PDE10A: variants seen among roughly 807,000 people sequenced by gnomAD.
The protein encoded by PDE10A is cAMP and cAMP-inhibited cGMP 3',5'-cyclic phosphodiesterase 10A.
A neutral mutation model predicts 97.7 loss-of-function variants in PDE10A; 39 were observed. That is an observed-to-expected ratio of 0.40 (90% confidence interval 0.31 to 0.52). The LOEUF is 0.52. PDE10A is among the 20% of genes least tolerant of loss of function. PDE10A has a pLI of 0.56. For synonymous variants in PDE10A, 371 were observed against 376.8 expected, an observed-to-expected ratio of 0.98 and a Z score of 0.18; for missense variants, 731 against 1,047.8, an observed-to-expected ratio of 0.70 and a Z score of 4.17.
chr6:165,684,953 A>G (rs1562683457), intron 1 of PDE10A, among the ~76,000 whole-genome samples: 1 of 152,240 alleles, frequency 6.6e-6, no homozygotes, highest in Non-Finnish European at 1.5e-5. Flanking sequence ...CCTTAAAGTT[A>G]TATGAATGGC....
intron 1 of PDE10A, among the ~76,000 whole-genome samples, chr6:165,809,417 C>G (rs1583125005): frequency 6.6e-6 from 1 of 152,204 alleles, no homozygotes; most frequent in East Asian, 1.9e-4. Context: ...GCATCCTCCT[C>G]ACACTGCTCC....
intron 1 of PDE10A, among the ~76,000 whole-genome samples, chr6:165,860,090 G>A (rs111832740): frequency 2.6e-5 from 4 of 152,288 alleles, no homozygotes; most frequent in South Asian, 2.1e-4. Flanking sequence ...TGGGTCCAGT[G>A]TATACTGCTT....
chr6:165,943,226 AGAAAGAAAGAAGGAAGGAAGGAAGGAAG>A lies in PDE10A; in HGVS notation c.-615+44275_-615+44302del, dbSNP rs1562809760. Among the ~76,000 whole-genome samples, 249 of 49,980 alleles carry A rather than the reference AGAAAGAAAGAAGGAAGGAAGGAAGGAAG, an allele frequency of 5.0e-3. 3 individuals are homozygous for A. Among genetic ancestry groups the A allele is most frequent in the Non-Finnish European group, 6.6e-3 (161 of 24,406 alleles). The allele number at this position is 49,980 out of a possible 152,430, so 32.8% of individuals were successfully genotyped here. On this transcript the variant is annotated intron_variant, in intron 1 of 19. Coordinates refer to the PDE10A transcript ENST00000366882. ...AAGAAAGAAAGAAAGAAAGAAAGAA[AGAAAGAAAGAAGGAAGGAAGGAAGGAAG>A]GAAGGAAGGAAGGAAGGAAGGAAAG...
intron 18 of PDE10A, among the ~76,000 whole-genome samples, chr6:165,356,210 T>C (rs1430031909): frequency 6.6e-6 from 1 of 152,006 alleles, no homozygotes; most frequent in African/African-American, 2.4e-5. Flanking sequence ...CGAGATGAGA[T>C]TTAGGTGGGG....
intron 1 of PDE10A, among the ~76,000 whole-genome samples, chr6:165,895,858 G>C (rs1259920650): frequency 1.3e-5 from 2 of 152,136 alleles, no homozygotes; most frequent in African/African-American, 2.4e-5. Flanking sequence ...TTGTCCACCA[G>C]AGCCATCCTC....
chr6:165,370,665 A>G (rs1784171679), intron 18 of PDE10A, among the ~76,000 whole-genome samples: 4 of 147,994 alleles, frequency 2.7e-5, no homozygotes, highest in Admixed American at 2.7e-4. Flanking sequence ...CATTAGACAG[A>G]TCAACGAGAC....
intron 7 of PDE10A, among the ~76,000 whole-genome samples, chr6:165,432,268 G>A (rs1026235216): frequency 6.6e-6 from 1 of 152,200 alleles, no homozygotes; most frequent in African/African-American, 2.4e-5. Context: ...CCATTCAAAT[G>A]TACATGAAGT....
At chr6:165,439,797 A>C (rs3799189) in intron 5 of PDE10A, among the ~76,000 whole-genome samples, 31,498 of 152,130 alleles carry the variant, frequency 0.21, 4,997 homozygotes, top group African/African-American at 0.45. Flanking sequence ...CAAAAATGTA[A>C]ATTTTGGGAA....
At chr6:165,891,908 T>C (rs1443050115) in intron 1 of PDE10A, among the ~76,000 whole-genome samples, 1 of 151,620 alleles carries the variant, frequency 6.6e-6, no homozygotes, top group Non-Finnish European at 1.5e-5. Flanking sequence ...TCACAAACTC[T>C]GAATGGGGTT....
intron 1 of PDE10A, among the ~76,000 whole-genome samples, chr6:165,736,790 A>G (rs1472068531): frequency 2.0e-5 from 3 of 152,202 alleles, no homozygotes; most frequent in Non-Finnish European, 4.4e-5. Flanking sequence ...TAGCAGATGG[A>G]AGGAAATAAT....
chr6:165,432,298 G>C lies in PDE10A; in HGVS notation c.1491+676C>G, dbSNP rs141630216. On this transcript the variant is annotated intron_variant, in intron 7 of 21. Coordinates refer to ENST00000539869, the MANE Select transcript of PDE10A (RefSeq NM_001385079.1). Reference sequence around the variant, plus strand: ...TGAAGTGTTCAGGGAGGGCCTTATAGAGAAGGCAACATTTAAGGAAATTCT... The same window carrying C: ...TGAAGTGTTCAGGGAGGGCCTTATACAGAAGGCAACATTTAAGGAAATTCT... Among the ~76,000 whole-genome samples the C allele has an allele frequency of 1.3e-3, 191 of 152,342 alleles. 1 individual carries two copies. Among genetic ancestry groups the C allele is most frequent in the African/African-American group, 4.3e-3 (180 of 41,580 alleles).
At chr6:165,797,863 T>C (rs1778870749) in intron 1 of PDE10A, among the ~76,000 whole-genome samples, 1 of 152,212 alleles carries the variant, frequency 6.6e-6, no homozygotes, top group Non-Finnish European at 1.5e-5. Flanking sequence ...AAAAGGACCA[T>C]GGCTAGATTC....
At chr6:165,618,777 G>C (rs908501887) in intron 1 of PDE10A, among the ~76,000 whole-genome samples, 2 of 152,352 alleles carry the variant, frequency 1.3e-5, no homozygotes, top group African/African-American at 4.8e-5. Flanking sequence ...GTTCACAAGA[G>C]AGTCGCAACT....
rs1206106204 is a variant in PDE10A at position 165,772,466 on chromosome 6, C to T, written c.-615+215063G>A. ...CCTCCAATGTTCTCCATGCGGCGTC[C>T]TAGGGCCTCCGCGCTGTGGCCTTCT... On this transcript the variant is annotated intron_variant, in intron 1 of 19. Coordinates refer to the PDE10A transcript ENST00000366882. Among the ~76,000 whole-genome samples, 3 of 152,160 alleles carry T rather than the reference C, an allele frequency of 2.0e-5. No individual in the cohort carries two copies. In the East Asian group the frequency reaches 5.8e-4, roughly 29 times the overall value.
At chr6:165,639,411 A>G (rs1373686145) in intron 1 of PDE10A, among the ~76,000 whole-genome samples, 1 of 152,164 alleles carries the variant, frequency 6.6e-6, no homozygotes, top group African/African-American at 2.4e-5. Context: ...CATACCTATT[A>G]TAATTCTCAA....
chr6:165,864,308 C>T (rs1780983065), intron 1 of PDE10A, among the ~76,000 whole-genome samples: 1 of 151,926 alleles, frequency 6.6e-6, no homozygotes, highest in Non-Finnish European at 1.5e-5. Flanking sequence ...ATTAAAAGAC[C>T]AAGAAAGAAT....
chr6:165,802,305 C>T lies in PDE10A; in HGVS notation c.-615+185224G>A, dbSNP rs150797306. On this transcript the variant is annotated intron_variant, in intron 1 of 19. Transcript: ENST00000366882. ...TGGGAATGGCCCTCCCATGCTTCAT[C>T]CATCAGACCTGATTCCAACCCAAGG... is the stretch of plus-strand genomic sequence containing the variant. Among the ~76,000 whole-genome samples the T allele has an allele frequency of 3.5e-3, 526 of 152,348 alleles. 2 individuals are homozygous for T. Among genetic ancestry groups the T allele is most frequent in the Middle Eastern group, 6.8e-3 (2 of 294 alleles).
At chr6:165,717,067 C>A (rs1792042519) in intron 1 of PDE10A, among the ~76,000 whole-genome samples, 1 of 152,130 alleles carries the variant, frequency 6.6e-6, no homozygotes, top group Non-Finnish European at 1.5e-5. Flanking sequence ...TCTCTAGGTG[C>A]GTCATGGAAG....
chr6:165,425,854 C>A (rs1295216008), intron 10 of PDE10A, among the ~76,000 whole-genome samples: 8 of 150,040 alleles, frequency 5.3e-5, no homozygotes, highest in Non-Finnish European at 1.2e-4. Flanking sequence ...TATATGAGTT[C>A]ATCAAGCTTG....
Sources: allele counts gnomAD v4.1 joint callset (sites outside exome capture counted in the v4.1 genomes callset), GRCh38; gene constraint gnomAD v4.1.1; transcripts MANE v1.5; gene names NCBI Gene and HGNC (gene_info 2026-07-23, HGNC 2026-07-21).